Variants in PIP5K1B observed in about 807,000 individuals in gnomAD.
PIP5K1B encodes phosphatidylinositol-4-phosphate 5-kinase type 1 beta, also known as phosphatidylinositol 4-phosphate 5-kinase type-1 beta.
A neutral mutation model predicts 67.0 loss-of-function variants in PIP5K1B; 42 were observed. That is an observed-to-expected ratio of 0.63 (90% CI 0.49 to 0.81). The LOEUF is 0.81. Ranked by LOEUF, PIP5K1B falls within the 30% of genes least tolerant of loss-of-function variation. The probability of loss-of-function intolerance (pLI) is 0.00; values close to 1 mark genes in which losing one functional copy is unlikely to be tolerated. For missense variants in PIP5K1B, 459 were observed against 646.3 expected, an observed-to-expected ratio of 0.71 and a Z score of 3.14; for synonymous variants, 214 against 231.4, an observed-to-expected ratio of 0.92 and a Z score of 0.68.
At chr9:68,798,897 G>GT (rs1239036645) in intron 2 of PIP5K1B, among the ~76,000 whole-genome samples, 1 of 152,186 alleles carries the variant, frequency 6.6e-6, no homozygotes, top group Non-Finnish European at 1.5e-5. Context: ...ACAAAAGATG[G>GT]TTTTGAGAAA....
At chr9:68,898,993 C>T (rs969620690) in intron 8 of PIP5K1B, among the ~76,000 whole-genome samples, 5 of 152,214 alleles carry the variant, frequency 3.3e-5, no homozygotes. Flanking sequence ...CAGTGATTCC[C>T]AGCTTGGAAC....
rs148763958 is a variant in PIP5K1B, at chr9:68,852,659, G to A, written c.70-11178G>A. On this transcript the variant is annotated intron_variant, in intron 4 of 15. Coordinates refer to ENST00000265382, the MANE Select transcript of PIP5K1B (RefSeq NM_003558.4). ...GAAGGAGGGTTGAGGGACAGGCCTGGGGTAGATATCCTGCACTGTCACTTC... is the reference window on the plus strand; with the variant it reads ...GAAGGAGGGTTGAGGGACAGGCCTGAGGTAGATATCCTGCACTGTCACTTC... Among the ~76,000 whole-genome samples, 436 of 152,266 alleles carry A rather than the reference G, an allele frequency of 2.9e-3. 1 individual carries two copies. Among genetic ancestry groups the A allele is most frequent in the African/African-American group, 9.9e-3 (411 of 41,536 alleles).
chr9:69,005,076 G>A (rs899120544), intron 15 of PIP5K1B, among the ~76,000 whole-genome samples: 2 of 151,148 alleles, frequency 1.3e-5, no homozygotes, highest in African/African-American at 4.9e-5. Context: ...GAGAGTGAGT[G>A]TTTATAGGAG....
intron 6 of PIP5K1B, among the ~76,000 whole-genome samples, 195 bp from the exon 7 acceptor site, chr9:68,888,786 T>C (rs1200135243): frequency 6.6e-6 from 1 of 152,158 alleles, no homozygotes; most frequent in East Asian, 1.9e-4. Context: ...CATAGAATTA[T>C]TAAGATAAAC....
At position 68,955,432 on chromosome 9, in the gene PIP5K1B, T is replaced by C. The variant is rs1247270693; in HGVS notation, c.1502+14642T>C. On this transcript the variant is annotated intron_variant, in intron 14 of 15. Coordinates refer to ENST00000265382, the MANE Select transcript of PIP5K1B (RefSeq NM_003558.4). ...GAGAGAGCAGAGCTCCCCAGTTTGC[T>C]CTTGTCATTTGTCCCGTGTGTCATT... Among the ~76,000 whole-genome samples the C allele has an allele frequency of 3.3e-5, 5 of 152,252 alleles. No individual in the cohort carries two copies. The South Asian group carries it at 6.2e-4, about 19-fold the overall frequency.
intron 15 of PIP5K1B, among the ~76,000 whole-genome samples, chr9:69,003,694 G>A (rs1830933693): frequency 6.6e-6 from 1 of 152,164 alleles, no homozygotes; most frequent in East Asian, 1.9e-4. Context: ...GTCAAGGGAA[G>A]GCTTGAGAAA....
intron 2 of PIP5K1B, among the ~76,000 whole-genome samples, chr9:68,774,722 T>C (rs1052102871): frequency 6.6e-6 from 1 of 152,170 alleles, no homozygotes; most frequent in African/African-American, 2.4e-5. Flanking sequence ...AGACCCCCAG[T>C]GGATGCCTGA....
At chr9:68,877,619 A>G (rs1406011676) in intron 6 of PIP5K1B, among the ~76,000 whole-genome samples, 2 of 152,228 alleles carry the variant, frequency 1.3e-5, no homozygotes, top group Admixed American at 6.5e-5. Flanking sequence ...CAGAGGAAGT[A>G]TAGCAACACG....
intron 1 of PIP5K1B, among the ~76,000 whole-genome samples, chr9:68,722,129 T>C (rs892457649): frequency 6.6e-6 from 1 of 152,188 alleles, no homozygotes; most frequent in African/African-American, 2.4e-5. Flanking sequence ...TCCAAGCAGA[T>C]TCGAGTCCTG....
intron 1 of PIP5K1B, among the ~76,000 whole-genome samples, chr9:68,718,999 A>C (rs1358377483): frequency 6.6e-6 from 1 of 152,214 alleles, no homozygotes; most frequent in Non-Finnish European, 1.5e-5. Context: ...ATTTTAAAAA[A>C]GGATCAAAAG....
chr9:68,856,526 G>A (rs1822787350), intron 4 of PIP5K1B, among the ~76,000 whole-genome samples: 1 of 152,092 alleles, frequency 6.6e-6, no homozygotes, highest in Non-Finnish European at 1.5e-5. Flanking sequence ...CCGCCCTTCT[G>A]ACCTCAATTA....
At chr9:68,958,610 A>T (rs1388257434) in intron 14 of PIP5K1B, among the ~76,000 whole-genome samples, 1 of 152,292 alleles carries the variant, frequency 6.6e-6, no homozygotes, top group South Asian at 2.1e-4. Flanking sequence ...ACTAGATATA[A>T]TTCTTTGCTT....
chr9:68,852,372 T>G, intron 4 of PIP5K1B, among the ~76,000 whole-genome samples: 1 of 148,832 alleles, frequency 6.7e-6, no homozygotes, highest in African/African-American at 2.5e-5. Flanking sequence ...CATAAAAAGG[T>G]AAGAGAATGG....
chr9:68,883,201 A>G (rs568712637), intron 6 of PIP5K1B, among the ~76,000 whole-genome samples: 2 of 152,348 alleles, frequency 1.3e-5, no homozygotes, highest in South Asian at 4.1e-4. Flanking sequence ...AGCAACTGAT[A>G]CAAATCTCAC....
rs147563562 is a variant in PIP5K1B, at chr9:68,756,855, TTAA to T, written c.-86+14200_-86+14202del. ...AAAAGAGAAACAAGTAAAACTAATC[TTAA>T]TGATATATTTTATGTAGCCTAATAT... On this transcript the variant is annotated intron_variant, in intron 2 of 15. Coordinates refer to ENST00000265382, the MANE Select transcript of PIP5K1B (RefSeq NM_003558.4). 1.2e-3 allele frequency among the ~76,000 whole-genome samples: 180 copies of T among 152,318 alleles called. 3 individuals are homozygous for T. In the East Asian group the frequency reaches 0.031, roughly 26 times the overall value.
chr9:68,976,646 C>T (rs1229461905), intron 14 of PIP5K1B, among the ~76,000 whole-genome samples: 1 of 152,172 alleles, frequency 6.6e-6, no homozygotes, highest in African/African-American at 2.4e-5. Context: ...GATTGGACGG[C>T]AGAGTAGGGA....
At chr9:69,001,939 T>A (rs1479245067) in intron 15 of PIP5K1B, among the ~76,000 whole-genome samples, 2 of 152,232 alleles carry the variant, frequency 1.3e-5, no homozygotes, top group Non-Finnish European at 2.9e-5. Context: ...CAGGGAGCTG[T>A]GTTAAAATGT....
At chr9:68,814,322 T>A (rs1306972837) in intron 2 of PIP5K1B, among the ~76,000 whole-genome samples, 1 of 152,140 alleles carries the variant, frequency 6.6e-6, no homozygotes, top group Non-Finnish European at 1.5e-5. Context: ...AAAGATAATA[T>A]GAGCAAACCA....
At chr9:68,939,568 G>A (rs961375829) in intron 13 of PIP5K1B, among the ~76,000 whole-genome samples, 1 of 152,182 alleles carries the variant, frequency 6.6e-6, no homozygotes, top group Admixed American at 6.5e-5. Context: ...GTTATTCATG[G>A]TTTTATATGA....
Sources: gnomAD v4.1 joint callset for allele counts (sites outside exome capture counted in the v4.1 genomes callset) on GRCh38, gnomAD v4.1.1 for gene constraint, MANE v1.5 for transcripts, NCBI Gene and HGNC (gene_info 2026-07-23, HGNC 2026-07-21) for gene names.